The following ARHGAP25 variants were observed in gnomAD, a reference collection of about 807,000 sequenced individuals.
ARHGAP25 encodes the protein rho GTPase-activating protein 25.
ARHGAP25 carries 34 observed loss-of-function variants against 71.0 expected under a neutral mutation model. That is an observed-to-expected ratio of 0.48 (90% CI 0.36 to 0.64). The LOEUF (loss-of-function observed/expected upper bound fraction) is 0.64, where lower values mean the gene tolerates loss of function less well. Ranked by LOEUF, ARHGAP25 falls within the 30% of genes least tolerant of loss-of-function variation. The pLI is 0.00. For missense variants in ARHGAP25, 706 were observed against 805.1 expected (o/e 0.88, Z 1.49); for synonymous variants, 282 against 296.5 (o/e 0.95, Z 0.50).
chr2:68,813,677 G>A (rs1279246820), intron 6 of ARHGAP25, among the ~76,000 whole-genome samples: 1 of 152,174 alleles, frequency 6.6e-6, no homozygotes, highest in Non-Finnish European at 1.5e-5. Flanking sequence ...GTGAGAAAAG[G>A]AGGATACATC....
At chr2:68,766,356 C>T (rs1295965912) in intron 1 of ARHGAP25, among the ~76,000 whole-genome samples, 1 of 152,192 alleles carries the variant, frequency 6.6e-6, no homozygotes, top group East Asian at 1.9e-4. Context: ...CTCTGATTGC[C>T]AAATCTCCAC....
At position 68,747,008 on chromosome 2, in the gene ARHGAP25, C is replaced by CA. The variant is rs70954322; in HGVS notation, c.61+11768dup. On this transcript the variant is annotated intron_variant, in intron 1 of 10. Transcript: ENST00000409202. ...AGGCAACAAGAGCGAAACTCCATCT[C>CA]AAAAAAAAAAAAAAAAAAAAGACAG... 5.2e-3 allele frequency among the ~76,000 whole-genome samples: 434 copies of CA among 83,974 alleles called. 1 individual carries two copies. The highest frequency in any genetic ancestry group is 0.018 in the African/African-American group (382 of 21,604). 55.1% of individuals were successfully genotyped at this position (83,974 alleles called of 152,430 possible).
intron 3 of ARHGAP25, among the ~76,000 whole-genome samples, chr2:68,786,788 A>G (rs75192396): frequency 0.015 from 2,261 of 152,352 alleles, 55 homozygotes; most frequent in African/African-American, 0.049. Flanking sequence ...ATACAGGTTT[A>G]GGCACAACTA....
chr2:68,717,905 T>G (rs1312305234), intron 2 of ARHGAP25, among the ~76,000 whole-genome samples: 1 of 152,200 alleles, frequency 6.6e-6, no homozygotes, highest in African/African-American at 2.4e-5. Flanking sequence ...AAGAGCTCTG[T>G]TTTTTCTTTT....
chr2:68,740,344 T>C (rs1675455965), intron 1 of ARHGAP25, among the ~76,000 whole-genome samples: 3 of 152,234 alleles, frequency 2.0e-5, no homozygotes, highest in East Asian at 3.8e-4. Context: ...CAGAAGGCTT[T>C]ATACTATGTA....
intron 2 of ARHGAP25, among the ~76,000 whole-genome samples, chr2:68,725,687 C>T (rs1366525179): frequency 6.6e-6 from 1 of 152,166 alleles, no homozygotes; most frequent in Non-Finnish European, 1.5e-5. Context: ...TCACTCTAAG[C>T]AAAAGCCAAA....
At chr2:68,712,205 T>A (rs1034234166) in intron 2 of ARHGAP25, among the ~76,000 whole-genome samples, 1 of 152,234 alleles carries the variant, frequency 6.6e-6, no homozygotes, top group Non-Finnish European at 1.5e-5. Context: ...ATAATCACCA[T>A]TCTAACTGGC....
At position 68,788,540 on chromosome 2, in the gene ARHGAP25, A is replaced by G. The variant is rs79994547; in HGVS notation, c.466+584A>G. On this transcript the variant is annotated intron_variant, in intron 4 of 10. Coordinates refer to ENST00000409202, the MANE Select transcript of ARHGAP25 (RefSeq NM_001007231.3). ...ATTCAACACTTTTCTGGGTTTCACA[A>G]CTCAAGAATTTGAGCTCTCTGGGAA... Among the ~76,000 whole-genome samples, 270 of 152,338 alleles carry G rather than the reference A, an allele frequency of 1.8e-3. 3 individuals are homozygous for G. In the South Asian group the frequency reaches 0.029, roughly 17 times the overall value.
intron 5 of ARHGAP25, among the ~76,000 whole-genome samples, chr2:68,812,326 C>T (rs561223798): frequency 1.8e-4 from 28 of 152,322 alleles, no homozygotes; most frequent in African/African-American, 6.5e-4. Flanking sequence ...CCAGGCTGTA[C>T]AAATAGAGGC....
At chr2:68,806,274 A>T (rs1680359373) in intron 4 of ARHGAP25, among the ~76,000 whole-genome samples, 1 of 152,272 alleles carries the variant, frequency 6.6e-6, no homozygotes, top group South Asian at 2.1e-4. Context: ...ATTGTACTGC[A>T]TACATTCCAG....
At chr2:68,793,032 G>A (rs1679297412) in intron 4 of ARHGAP25, among the ~76,000 whole-genome samples, 1 of 152,126 alleles carries the variant, frequency 6.6e-6, no homozygotes, top group African/African-American at 2.4e-5. Context: ...TATTAATGTT[G>A]AGGATTTTTT....
At chr2:68,823,075 A>T (rs907363568) in intron 10 of ARHGAP25, among the ~76,000 whole-genome samples, 2 of 152,284 alleles carry the variant, frequency 1.3e-5, no homozygotes, top group African/African-American at 2.4e-5. Context: ...AACTAGATTT[A>T]GGAAATGTAA....
At chr2:68,722,862 G>A (rs904882729) in intron 2 of ARHGAP25, among the ~76,000 whole-genome samples, 23 of 152,120 alleles carry the variant, frequency 1.5e-4, no homozygotes. Context: ...GTGTCACTTG[G>A]TGCAGACACC....
intron 4 of ARHGAP25, among the ~76,000 whole-genome samples, chr2:68,798,787 C>T (rs559365472): frequency 2.0e-5 from 3 of 152,250 alleles, no homozygotes; most frequent in South Asian, 4.1e-4. Flanking sequence ...GTCTTAGTCA[C>T]AGGGAATAGC....
At chr2:68,773,606 C>T (rs1027043768) in intron 1 of ARHGAP25, among the ~76,000 whole-genome samples, 12 of 152,086 alleles carry the variant, frequency 7.9e-5, no homozygotes, top group African/African-American at 1.4e-4. Context: ...CACCATTAGG[C>T]GATGGACTCA....
intron 1 of ARHGAP25, among the ~76,000 whole-genome samples, chr2:68,742,213 T>C (rs1675557143): frequency 6.6e-6 from 1 of 152,230 alleles, no homozygotes; most frequent in Non-Finnish European, 1.5e-5. Context: ...CTATGGTGGC[T>C]GAACCATTTG....
At chr2:68,731,206 C>G (rs116355530), upstream of ARHGAP25, among the ~76,000 whole-genome samples, 420 of 152,082 alleles carry the variant, frequency 2.8e-3, no homozygotes, top group Non-Finnish European at 5.2e-3. Context: ...TCAACATGCC[C>G]CAAACTAAGC....
intron 4 of ARHGAP25, among the ~76,000 whole-genome samples, chr2:68,806,414 A>G (rs1257542644): frequency 2.6e-5 from 4 of 152,246 alleles, no homozygotes; most frequent in Admixed American, 6.5e-5. Context: ...AGACTACAGT[A>G]GTCCCTCTTT....
chr2:68,738,790 C>A (rs1228331421), intron 1 of ARHGAP25, among the ~76,000 whole-genome samples: 2 of 148,564 alleles, frequency 1.3e-5, no homozygotes, highest in African/African-American at 5.0e-5. Flanking sequence ...CACTGCACTC[C>A]AGCTTGGGCG....
Sources: gnomAD v4.1 joint callset for allele counts (sites outside exome capture counted in the v4.1 genomes callset) on GRCh38, gnomAD v4.1.1 for gene constraint, MANE v1.5 for transcripts, NCBI Gene and HGNC (gene_info 2026-07-23, HGNC 2026-07-21) for gene names.